CCDC73: variants seen among roughly 807,000 people sequenced by gnomAD.
CCDC73 encodes the protein coiled-coil domain containing 73.
Under a neutral mutation model 116.5 loss-of-function variants are expected in CCDC73, and 95 were observed. The observed-to-expected ratio is 0.82, with a 90% CI of 0.69 to 0.97. CCDC73 has a LOEUF of 0.97. Among genes scored for constraint, CCDC73 ranks in the 50% least tolerant of loss-of-function variants. The pLI, the probability that CCDC73 is intolerant of heterozygous loss-of-function variation, is 0.00. For missense variants in CCDC73, 1,066 were observed against 1,206.8 expected, an observed-to-expected ratio of 0.88 and a Z score of 1.73; for synonymous variants, 398 against 401.3, an observed-to-expected ratio of 0.99 and a Z score of 0.10.
intron 6 of CCDC73, among the ~76,000 whole-genome samples, chr11:32,698,010 AATTTTTTTTTTTTTTTT>A (rs1405699152): frequency 5.1e-5 from 6 of 117,754 alleles, no homozygotes; most frequent in Non-Finnish European, 6.9e-5. Context: ...TCTAACACTG[AATTTTTTTTTTTTTTTT>A]TTTTTTTTTT....
chr11:32,740,298 T>G (rs557761522), intron 2 of CCDC73, among the ~76,000 whole-genome samples: 2 of 152,180 alleles, frequency 1.3e-5, no homozygotes, highest in Non-Finnish European at 2.9e-5. Flanking sequence ...GTTGATAAAA[T>G]TCCACAGTGA....
At position 32,651,021 on chromosome 11, in the gene CCDC73, G is replaced by A. The variant is rs572329687; in HGVS notation, c.939+2102C>T. 5.9e-5 allele frequency among the ~76,000 whole-genome samples: 9 copies of A among 152,202 alleles called. No homozygotes were observed. In the South Asian group the frequency reaches 1.9e-3, roughly 32 times the overall value. On this transcript the variant is annotated intron_variant, in intron 12 of 17. Transcript: ENST00000335185. ...CCCTAGGCTTGGGGATACTTACCAG[G>A]CAAACACAGACCCTCATAAGGTGCC...
the CCDC73 span, among the ~76,000 whole-genome samples, chr11:32,806,517 G>A: frequency 2.2e-3 from 330 of 152,044 alleles, 6 homozygotes; most frequent in East Asian, 0.031. Flanking sequence ...CCAGCTACTC[G>A]GGAGGCTGAG....
chr11:32,652,848 A>G (rs1855838237), intron 12 of CCDC73, among the ~76,000 whole-genome samples: 1 of 152,178 alleles, frequency 6.6e-6, no homozygotes, highest in African/African-American at 2.4e-5. Context: ...AAAAAATCCT[A>G]TTCATTCTGT....
At chr11:32,684,520 T>A (rs1261475823) in intron 6 of CCDC73, among the ~76,000 whole-genome samples, 1 of 152,264 alleles carries the variant, frequency 6.6e-6, no homozygotes, top group African/African-American at 2.4e-5. Flanking sequence ...TTCCATTTTT[T>A]AACTTTACCA....
chr11:32,819,858 A>G, the CCDC73 span, among the ~76,000 whole-genome samples: 1 of 152,318 alleles, frequency 6.6e-6, no homozygotes, highest in South Asian at 2.1e-4. Flanking sequence ...GTGGACATAT[A>G]CATTTATAAT....
At chr11:32,725,223 T>C (rs992987997) in intron 2 of CCDC73, among the ~76,000 whole-genome samples, 1 of 152,124 alleles carries the variant, frequency 6.6e-6, no homozygotes, top group Non-Finnish European at 1.5e-5. Flanking sequence ...GTTAATATAA[T>C]ACAATAAGAT....
intron 2 of CCDC73, among the ~76,000 whole-genome samples, chr11:32,737,936 G>A (rs116441410): frequency 0.01 from 1,553 of 152,136 alleles, 28 homozygotes; most frequent in African/African-American, 0.035. Context: ...AATAAGTGAG[G>A]ACATGCAAAG....
intron 9 of CCDC73, among the ~76,000 whole-genome samples, chr11:32,660,240 A>AC (rs1426569438): frequency 1.3e-5 from 2 of 150,210 alleles, no homozygotes; most frequent in East Asian, 1.9e-4. Context: ...AAAAAAAAAA[A>AC]AAAAAAAAAA....
chr11:32,664,147 T>G (rs1428048009), intron 9 of CCDC73, among the ~76,000 whole-genome samples: 1 of 152,222 alleles, frequency 6.6e-6, no homozygotes, highest in African/African-American at 2.4e-5. Context: ...TTCTCTTTTT[T>G]TATTGTGTCT....
chr11:32,727,627 C>T (rs937346588), intron 2 of CCDC73, among the ~76,000 whole-genome samples: 1 of 152,118 alleles, frequency 6.6e-6, no homozygotes, highest in African/African-American at 2.4e-5. Flanking sequence ...GGCTGGAGCG[C>T]AGTGGCGCCA....
chr11:32,704,150 G>A (rs1352177), intron 3 of CCDC73, among the ~76,000 whole-genome samples: 41,303 of 152,110 alleles, frequency 0.27, 5,927 homozygotes, highest in South Asian at 0.35. Flanking sequence ...GGCGGGGCAG[G>A]AGCCCGTGCT....
chr11:32,676,792 A>C (rs1446207500), intron 7 of CCDC73, among the ~76,000 whole-genome samples: 1 of 152,198 alleles, frequency 6.6e-6, no homozygotes, highest in Non-Finnish European at 1.5e-5. Context: ...GCTAAAAGAG[A>C]AAAAGAAATG....
In CCDC73 at chr11:32,675,875, A is replaced by C. The variant is rs1220148100; in HGVS notation, c.565+11T>G. Reference sequence around the variant, plus strand: ...TACTGAATATGTATATTTAAATAAGATAGCACATACCATTTTGTTCTAACT... The same window carrying C: ...TACTGAATATGTATATTTAAATAAGCTAGCACATACCATTTTGTTCTAACT... On this transcript the variant is annotated intron_variant, in intron 8 of 17. Transcript: ENST00000335185. 1.9e-6 allele frequency: 3 copies of C among 1,581,084 alleles called. No homozygotes were observed. Among genetic ancestry groups the C allele is most frequent in the Non-Finnish European group, 2.6e-6 (3 of 1,162,936 alleles).
At chr11:32,805,394 A>C in the CCDC73 span, among the ~76,000 whole-genome samples, 1 of 152,214 alleles carries the variant, frequency 6.6e-6, no homozygotes, top group Admixed American at 6.5e-5. Flanking sequence ...AATCATAGTA[A>C]ATCCCTGTGA....
At chr11:32,729,292 T>C (rs950893785) in intron 2 of CCDC73, among the ~76,000 whole-genome samples, 1 of 152,226 alleles carries the variant, frequency 6.6e-6, no homozygotes, top group Non-Finnish European at 1.5e-5. Context: ...GTTGCTGCAT[T>C]ACTTTGCTGA....
At chr11:32,758,379 G>A (rs554605602) in intron 2 of CCDC73, 54 of 506,866 alleles carry the variant, frequency 1.1e-4, no homozygotes, top group South Asian at 7.3e-4. Flanking sequence ...TACCAAGAAG[G>A]TTAGGAAAGC....
At chr11:32,628,654 A>G (rs890291028) in intron 14 of CCDC73, among the ~76,000 whole-genome samples, 1 of 152,234 alleles carries the variant, frequency 6.6e-6, no homozygotes, top group Non-Finnish European at 1.5e-5. Flanking sequence ...ATAAACCTCA[A>G]AATGATGAAG....
At chr11:32,666,336 T>C (rs1855981150) in intron 9 of CCDC73, among the ~76,000 whole-genome samples, 1 of 152,232 alleles carries the variant, frequency 6.6e-6, no homozygotes, top group African/African-American at 2.4e-5. Context: ...TAGTCCCATA[T>C]TTCTTGGAGG....
Sources: gnomAD v4.1 joint callset for allele counts (sites outside exome capture counted in the v4.1 genomes callset) on GRCh38, gnomAD v4.1.1 for gene constraint, MANE v1.5 for transcripts, NCBI Gene and HGNC (gene_info 2026-07-23, HGNC 2026-07-21) for gene names.